Variants in GRM5 observed in about 807,000 individuals in gnomAD.
GRM5 encodes the protein metabotropic glutamate receptor 5.
GRM5 carries 19 observed loss-of-function variants against 83.1 expected under a neutral mutation model. That is an observed-to-expected ratio of 0.23 (90% CI 0.16 to 0.34). The LOEUF (loss-of-function observed/expected upper bound fraction) is 0.34, where lower values mean the gene tolerates loss of function less well. Ranked by LOEUF, GRM5 falls within the 10% of genes least tolerant of loss-of-function variation. The pLI is 1.00. For missense variants in GRM5, 1,160 were observed against 1,588.3 expected (o/e 0.73, Z 4.58); for synonymous variants, 675 against 633.6 (o/e 1.07, Z -0.98).
chr11:88,986,629 A>T (rs2135034869), intron 2 of GRM5, among the ~76,000 whole-genome samples: 1 of 151,012 alleles, frequency 6.6e-6, no homozygotes, highest in African/African-American at 2.4e-5. Context: ...GTTTGCAAAT[A>T]TCCTCTTCCA....
At chr11:88,705,088 T>A in intron 3 of GRM5, among the ~76,000 whole-genome samples, 1 of 152,124 alleles carries the variant, frequency 6.6e-6, no homozygotes, top group East Asian at 1.9e-4. Flanking sequence ...CTACATATGT[T>A]ATAGGTAAGA....
chr11:88,552,657 G>GT (rs904802556), intron 8 of GRM5, among the ~76,000 whole-genome samples: 1 of 152,128 alleles, frequency 6.6e-6, no homozygotes, highest in Non-Finnish European at 1.5e-5. Flanking sequence ...TGGGGACCAG[G>GT]TTAGGGGTTG....
intron 8 of GRM5, among the ~76,000 whole-genome samples, chr11:88,564,756 A>T (rs1408809727): frequency 6.6e-6 from 1 of 152,234 alleles, no homozygotes; most frequent in Non-Finnish European, 1.5e-5. Context: ...GTGATGAGCA[A>T]GGTAAAGAAG....
chr11:88,961,273 T>G (rs1313873512), intron 2 of GRM5, among the ~76,000 whole-genome samples: 4 of 152,152 alleles, frequency 2.6e-5, no homozygotes, highest in Non-Finnish European at 5.9e-5. Context: ...AACAAATGGG[T>G]GCAATGTACA....
chr11:88,905,466 C>T (rs1181754662), intron 2 of GRM5, among the ~76,000 whole-genome samples: 3 of 152,048 alleles, frequency 2.0e-5, no homozygotes, highest in Admixed American at 1.3e-4. Context: ...GTCAGCCTCC[C>T]GAGTAGCTGG....
chr11:88,965,584 A>G (rs1565312270), intron 2 of GRM5, among the ~76,000 whole-genome samples: 2 of 152,166 alleles, frequency 1.3e-5, no homozygotes, highest in South Asian at 4.1e-4. Context: ...CAAACACACA[A>G]ACCAAACAAA....
chr11:89,036,692 T>C (rs1268779910), intron 2 of GRM5, among the ~76,000 whole-genome samples: 9 of 35,438 alleles, frequency 2.5e-4, no homozygotes, highest in Admixed American at 2.0e-3. Context: ...GTCCCTCAAC[T>C]AGCAAGACTA....
chr11:88,741,543 A>T (rs1396983662), intron 3 of GRM5, among the ~76,000 whole-genome samples: 1 of 152,050 alleles, frequency 6.6e-6, no homozygotes, highest in Non-Finnish European at 1.5e-5. Flanking sequence ...ACATTCATGC[A>T]TTCACTCCTT....
chr11:88,688,056 A>G (rs1047440866), intron 3 of GRM5, among the ~76,000 whole-genome samples: 4 of 152,154 alleles, frequency 2.6e-5, no homozygotes, highest in African/African-American at 9.7e-5. Flanking sequence ...ATAAATATCC[A>G]TTTACATTAA....
At chr11:88,681,976 C>A (rs976359060) in intron 3 of GRM5, among the ~76,000 whole-genome samples, 2 of 151,980 alleles carry the variant, frequency 1.3e-5, no homozygotes, top group Non-Finnish European at 1.5e-5. Flanking sequence ...CTGTAGCCAC[C>A]GACTATACTA....
intron 2 of GRM5, among the ~76,000 whole-genome samples, chr11:88,944,723 A>G (rs776018331): frequency 2.2e-4 from 34 of 152,018 alleles, no homozygotes; most frequent in Non-Finnish European, 4.1e-4. Flanking sequence ...AAATTTGTCA[A>G]TTATCCAGCT....
chr11:88,593,734 C>T (rs576229271), intron 6 of GRM5, among the ~76,000 whole-genome samples: 3 of 147,758 alleles, frequency 2.0e-5, no homozygotes, highest in South Asian at 4.4e-4. Context: ...TCTTCCTTCC[C>T]TCCCTCCCTC....
chr11:89,033,860 A>G (rs1941321908), intron 2 of GRM5, among the ~76,000 whole-genome samples: 1 of 151,972 alleles, frequency 6.6e-6, no homozygotes, highest in Non-Finnish European at 1.5e-5. Flanking sequence ...GCTAAGACTC[A>G]GAAAAAAACA....
chr11:88,771,862 GAACATCTCCCTC>G (rs1437365906), intron 3 of GRM5, among the ~76,000 whole-genome samples: 1 of 152,058 alleles, frequency 6.6e-6, no homozygotes, highest in African/African-American at 2.4e-5. Flanking sequence ...TCATCTCCCT[GAACATCTCCCTC>G]CATTCCCATG....
intron 2 of GRM5, among the ~76,000 whole-genome samples, chr11:89,004,095 TGAA>T (rs918492211): frequency 5.3e-5 from 8 of 152,182 alleles, no homozygotes; most frequent in Non-Finnish European, 8.8e-5. Context: ...TTCAGGGTGT[TGAA>T]GAGGTATAAT....
At chr11:88,534,512 G>A (rs1942090628) in intron 8 of GRM5, among the ~76,000 whole-genome samples, 1 of 152,152 alleles carries the variant, frequency 6.6e-6, no homozygotes, top group Non-Finnish European at 1.5e-5. Flanking sequence ...TCTCCCATCT[G>A]GAATGGCTGT....
intron 2 of GRM5, among the ~76,000 whole-genome samples, chr11:89,000,041 G>C (rs1247071353): frequency 2.0e-5 from 3 of 151,956 alleles, no homozygotes; most frequent in African/African-American, 7.3e-5. Flanking sequence ...TGAACAATGA[G>C]AACACATGGA....
intron 3 of GRM5, among the ~76,000 whole-genome samples, chr11:88,827,126 C>T (rs1943906527): frequency 1.3e-5 from 2 of 152,062 alleles, no homozygotes; most frequent in Non-Finnish European, 2.9e-5. Flanking sequence ...GAAATGAGGA[C>T]ATCTGAACGC....
At chr11:88,681,489 T>G (rs1034680550) in intron 3 of GRM5, among the ~76,000 whole-genome samples, 6 of 151,378 alleles carry the variant, frequency 4.0e-5, no homozygotes, top group Admixed American at 4.0e-4. Flanking sequence ...ACTACTCTTC[T>G]GAATTCTTAT....
Sources: allele counts gnomAD v4.1 joint callset (sites outside exome capture counted in the v4.1 genomes callset), GRCh38; gene constraint gnomAD v4.1.1; transcripts MANE v1.5; gene names NCBI Gene and HGNC (gene_info 2026-07-23, HGNC 2026-07-21).